The following FTCD variants were observed in gnomAD, a reference collection of about 807,000 sequenced individuals.
FTCD encodes the protein formimidoyltransferase-cyclodeaminase.
Under a neutral mutation model 62.9 loss-of-function variants are expected in FTCD, and 76 were observed. That is an observed-to-expected ratio of 1.21 (90% confidence interval 1.00 to 1.46). The LOEUF (loss-of-function observed/expected upper bound fraction) is 1.46, where lower values mean the gene tolerates loss of function less well. Ranked by LOEUF, FTCD falls within the 40% of genes most tolerant of loss-of-function variation. The pLI is 0.00. For missense variants in FTCD, 845 were observed against 751.3 expected (o/e 1.12, Z -1.46); for synonymous variants, 397 against 336.9 (o/e 1.18, Z -1.95).
At chr21:46,154,828 C>T (rs1910126258) in intron 1 of FTCD, among the ~76,000 whole-genome samples, 1 of 152,232 alleles carries the variant, frequency 6.6e-6, no homozygotes, top group Non-Finnish European at 1.5e-5. Context: ...GGCTGGAATC[C>T]CGGCATGACG....
downstream of FTCD, chr21:46,136,645 G>GTC (rs927788272): frequency 3.5e-5 from 52 of 1,480,048 alleles, no homozygotes; most frequent in African/African-American, 6.3e-4. Flanking sequence ...GCTGAGGTCT[G>GTC]TCTCCTCACG....
At chr21:46,145,620 G>A (rs1270373553) in intron 9 of FTCD, 42 bp from the exon 10 acceptor site, 8 of 1,485,502 alleles carry the variant, frequency 5.4e-6, no homozygotes, top group Admixed American at 2.1e-5. Context: ...GACCCCAGAC[G>A]GCCCGGGACC....
Position 46,151,713 on chromosome 21 carries a change from C to T in FTCD, c.481G>A (p.Asp161Asn), listed in dbSNP as rs776462116. 5.5e-5 allele frequency: 88 copies of T among 1,612,792 alleles called. No individual in the cohort carries two copies. Among genetic ancestry groups the T allele is most frequent in the Non-Finnish European group, 6.4e-5 (76 of 1,179,976 alleles). ...GGGACAAAGGAGCTGGGACCAAAGT[C>T]GGGCGCCCAGTCGGCCTGCTGGAGC... ...KKLQQADWAP[D>N]FGPSSFVPSW... The change falls in exon 5 of 14, where the codon GAC becomes AAC. Residue 161 changes from aspartate to asparagine, a missense_variant. By Grantham distance (23) the Asp-to-Asn change is conservative (BLOSUM62 1). Coordinates refer to ENST00000397746, the MANE Select transcript of FTCD (RefSeq NM_206965.2).
intron 2 of FTCD, 113 bp from the exon 3 acceptor site, chr21:46,153,148 A>C: frequency 8.5e-7 from 1 of 1,171,190 alleles, no homozygotes; most frequent in Non-Finnish European, 1.2e-6. Context: ...CAGTCCACAC[A>C]CCCAGCAAGC....
intron 7 of FTCD, among the ~76,000 whole-genome samples, chr21:46,149,583 G>C (rs1033493217): frequency 1.3e-5 from 2 of 152,032 alleles, no homozygotes; most frequent in Non-Finnish European, 2.9e-5. Flanking sequence ...CAGTGACCTC[G>C]AGTGAAAGGA....
At chr21:46,137,414 T>C (rs2123475582) in intron 12 of FTCD, 80 bp from the exon 13 acceptor site, 1 of 1,111,778 alleles carries the variant, frequency 9.0e-7, no homozygotes, top group South Asian at 1.2e-5. Context: ...TGACGGGCTC[T>C]GGGACAGGCC....
intron 7 of FTCD, among the ~76,000 whole-genome samples, chr21:46,149,872 A>G (rs183620726): frequency 6.6e-6 from 1 of 152,342 alleles, no homozygotes; most frequent in Non-Finnish European, 1.5e-5. Context: ...CCAGGAGGCA[A>G]GACCAAGCAG....
At chr21:46,150,093 G>A (rs576667429) in intron 7 of FTCD, 26 bp downstream of exon 7, 44 of 1,156,060 alleles carry the variant, frequency 3.8e-5, no homozygotes, top group Middle Eastern at 2.8e-4. Flanking sequence ...GCCCCTGTCC[G>A]ACCCTTCCTC....
At chr21:46,142,483 G>C (rs187217845) in intron 10 of FTCD, 2 of 139,962 alleles carry the variant, frequency 1.4e-5, no homozygotes, top group Middle Eastern at 3.3e-3. Context: ...GCCGACCTTC[G>C]CAGCGAGTGT....
rs552598619 is a variant in FTCD at position 46,136,783 on chromosome 21, G to T, written c.*204C>A. On this transcript the variant is annotated 3_prime_UTR_variant, in exon 14 of 14. Coordinates refer to ENST00000397746, the MANE Select transcript of FTCD (RefSeq NM_206965.2). ...ACCGCCAACACACAACACAGGTTTGGTGCCAAAACTTTACTGGAGGTCACA... is the reference window on the plus strand; with the variant it reads ...ACCGCCAACACACAACACAGGTTTGTTGCCAAAACTTTACTGGAGGTCACA... 7.9e-6 allele frequency: 12 copies of T among 1,519,346 alleles called. No homozygotes were observed. The African/African-American group carries it at 1.5e-4, about 19-fold the overall frequency. The allele number at this position is 1,519,346 out of a possible 1,614,324, so 94.1% of individuals were successfully genotyped here.
chr21:46,139,074 G>C (rs1686835802), intron 10 of FTCD, 151 bp from the exon 11 acceptor site: 2 of 700,160 alleles, frequency 2.9e-6, no homozygotes, highest in Admixed American at 2.0e-5. Flanking sequence ...GTGGTTTATA[G>C]CCCTTAGCAT....
At chr21:46,153,366 A>G (rs1410334180) in intron 2 of FTCD, among the ~76,000 whole-genome samples, 1 of 152,118 alleles carries the variant, frequency 6.6e-6, no homozygotes, top group Non-Finnish European at 1.5e-5. Context: ...ACACTCACAA[A>G]AATAACTTTG....
In FTCD at chr21:46,139,417, G is replaced by A. The variant is rs561546310; in HGVS notation, c.1261-494C>T. On this transcript the variant is annotated intron_variant, in intron 10 of 13. Coordinates refer to ENST00000397746, the MANE Select transcript of FTCD (RefSeq NM_206965.2). Reference sequence around the variant, plus strand: ...GGTGCTCATGTGTGTAGCTCACGGCGTCACCGTAAGGCACTCGGCTCCTCG... The same window carrying A: ...GGTGCTCATGTGTGTAGCTCACGGCATCACCGTAAGGCACTCGGCTCCTCG... Among the ~76,000 whole-genome samples the A allele has an allele frequency of 6.8e-4, 104 of 152,236 alleles. 1 individual carries two copies. Among genetic ancestry groups the A allele is most frequent in the African/African-American group, 2.0e-3 (84 of 41,546 alleles).
rs553890491 is a variant in FTCD, at chr21:46,153,175, C to T, written c.239-140G>A. The T allele has an allele frequency of 1.4e-4, 130 of 927,296 alleles. 1 individual carries two copies. The highest frequency in any genetic ancestry group is 9.5e-4 in the South Asian group (53 of 56,004). The allele number at this position is 927,296 out of a possible 1,614,324, so 57.4% of individuals were successfully genotyped here. ...CCAGCAAGCTGCTCACACTGACCCA[C>T]AGGGAGGAGGCCGGCCCTGGGCGCT... On this transcript the variant is annotated intron_variant, in intron 2 of 13. Coordinates refer to ENST00000397746, the MANE Select transcript of FTCD (RefSeq NM_206965.2).
At chr21:46,142,597 T>C (rs1277497020) in intron 10 of FTCD, 1 of 152,242 alleles carries the variant, frequency 6.6e-6, no homozygotes, top group African/African-American at 2.4e-5. Flanking sequence ...GCAGTGAGTG[T>C]TACAGGTCGT....
chr21:46,143,390 G>A (rs2079062194), intron 10 of FTCD, among the ~76,000 whole-genome samples: 1 of 150,708 alleles, frequency 6.6e-6, no homozygotes, highest in Non-Finnish European at 1.5e-5. Flanking sequence ...CCTCTTGTGG[G>A]CGGCAAGCCA....
Position 46,138,578 on chromosome 21 carries a change from A to G in FTCD, c.1373T>C (p.Val458Ala). Residue 458 changes from valine (V) to alanine (A), a missense_variant, in exon 12 of 14, where the codon GTG becomes GCG. Transcript: ENST00000397746. ...VSVPLTLAET[V>A]ASLWPALQEL... ...CTGCAGGGCCGGCCACAGCGAGGCC[A>G]CCGTCTCCGCCAGCGTCAGCGGCAC... The G allele has an allele frequency of 6.3e-7, 1 of 1,588,346 alleles. No homozygotes were observed.
At position 46,146,292 on chromosome 21, in the gene FTCD, G is replaced by C. The variant is rs765051182; in HGVS notation, c.942C>G (p.Pro314=). The C allele has an allele frequency of 5.6e-6, 9 of 1,605,796 alleles. No individual in the cohort carries two copies. Among genetic ancestry groups the C allele is most frequent in the Admixed American group, 1.7e-5 (1 of 59,518 alleles). ...VSRLGLDSLC[P]FSPKERIIEY... ...CGATGATCCGCTCCTTAGGGCTGAA[G>C]GGGCACAGGGAGTCCAGGCCCAGCC... is the stretch of plus-strand genomic sequence containing the variant. Residue 314 remains proline, a synonymous_variant, in exon 8 of 14, where the codon CCC becomes CCG. Coordinates refer to ENST00000397746, the MANE Select transcript of FTCD (RefSeq NM_206965.2).
At position 46,146,269 on chromosome 21, in the gene FTCD, A is replaced by C. The variant is rs1185345867; in HGVS notation, c.965T>G (p.Ile322Ser). ...GGGCGGGAGGGCAGAGGCTCACTCG[A>C]TGATCCGCTCCTTAGGGCTGAAGGG... ...LCPFSPKERI[I>S]EYLVPERGPE... is the part of the protein sequence containing the mutation. Residue 322 changes from isoleucine (I) to serine (S), a missense_variant, in exon 8 of 14, where the codon ATC (isoleucine) becomes AGC (serine). Ile to Ser is a moderately radical substitution (Grantham distance 142). Transcript: ENST00000397746. 9 of 1,599,020 alleles carry C rather than the reference A, an allele frequency of 5.6e-6. No homozygotes were observed. The highest frequency in any genetic ancestry group is 6.0e-6 in the Non-Finnish European group (7 of 1,170,992).
Sources: gnomAD v4.1 joint callset for allele counts (sites outside exome capture counted in the v4.1 genomes callset) on GRCh38, gnomAD v4.1.1 for gene constraint, MANE v1.5 for transcripts, NCBI Gene and HGNC (gene_info 2026-07-23, HGNC 2026-07-21) for gene names.